The following ZSCAN25 variants were observed in gnomAD, a reference collection of about 807,000 sequenced individuals.
ZSCAN25 encodes the protein zinc finger and SCAN domain containing 25.
ZSCAN25 carries 27 observed loss-of-function variants against 38.7 expected under a neutral mutation model. The ratio of observed to expected loss-of-function variants is 0.70; its 90% confidence interval spans 0.51 to 0.96. ZSCAN25 has a LOEUF of 0.96. Ranked by LOEUF, ZSCAN25 falls within the 40% of genes least tolerant of loss-of-function variation. The pLI, the probability that ZSCAN25 is intolerant of heterozygous loss-of-function variation, is 0.00. For missense variants in ZSCAN25, 637 were observed against 705.9 expected (o/e 0.90, Z 1.11); for synonymous variants, 273 against 277.7 (o/e 0.98, Z 0.17).
the ZSCAN25 span, chr7:99,707,917 A>G: frequency 6.8e-6 from 11 of 1,614,046 alleles, no homozygotes; most frequent in Admixed American, 6.7e-5. Flanking sequence ...TTCTGGGTCC[A>G]CTTCCAAAGG....
intron 7 of ZSCAN25, among the ~76,000 whole-genome samples, chr7:99,625,012 C>T (rs11975671): frequency 0.032 from 4,841 of 152,138 alleles, 235 homozygotes; most frequent in African/African-American, 0.11. Context: ...CCATCTGTAC[C>T]GACCCCACCT....
the ZSCAN25 span, among the ~76,000 whole-genome samples, chr7:99,709,905 C>A: frequency 6.6e-6 from 1 of 152,028 alleles, no homozygotes; most frequent in Non-Finnish European, 1.5e-5. Flanking sequence ...AAAAACTAGT[C>A]CCTTTCTATC....
the ZSCAN25 span, chr7:99,717,403 T>C: frequency 6.3e-7 from 1 of 1,587,302 alleles, no homozygotes; most frequent in Non-Finnish European, 8.6e-7. Flanking sequence ...ATAAAAAGAC[T>C]ATTTTTAGGA....
the ZSCAN25 span, among the ~76,000 whole-genome samples, chr7:99,681,366 T>C: frequency 1.3e-4 from 20 of 152,224 alleles, no homozygotes; most frequent in Non-Finnish European, 2.5e-4. Flanking sequence ...TTAATGTTAA[T>C]TTTAATGTTT....
the ZSCAN25 span, among the ~76,000 whole-genome samples, chr7:99,705,786 A>G: frequency 5.2e-4 from 79 of 152,320 alleles, no homozygotes; most frequent in Non-Finnish European, 9.4e-4. Flanking sequence ...GAGAACATTC[A>G]TCATCTATCA....
chr7:99,699,977 C>T, the ZSCAN25 span: 1 of 1,610,050 alleles, frequency 6.2e-7, no homozygotes, highest in Non-Finnish European at 8.5e-7. Context: ...TAGAGGAGCA[C>T]AAGGCTGACA....
At chr7:99,689,567 C>G in the ZSCAN25 span, among the ~76,000 whole-genome samples, 1 of 152,072 alleles carries the variant, frequency 6.6e-6, no homozygotes, top group Non-Finnish European at 1.5e-5. Context: ...TCGTCTCAGC[C>G]CAAAATCTCC....
the ZSCAN25 span, among the ~76,000 whole-genome samples, chr7:99,675,440 T>C: frequency 1.3e-5 from 2 of 151,890 alleles, no homozygotes; most frequent in African/African-American, 4.8e-5. Context: ...GAGGCTTCAG[T>C]TGTGAGAGTT....
chr7:99,705,737 G>A, the ZSCAN25 span: 16 of 1,014,792 alleles, frequency 1.6e-5, no homozygotes, highest in African/African-American at 1.3e-4. Context: ...TCTTGGATTC[G>A]TTATACTTAC....
At chr7:99,730,588 T>C in the ZSCAN25 span, 1 of 162,960 alleles carries the variant, frequency 6.1e-6, no homozygotes, top group Non-Finnish European at 1.4e-5. Flanking sequence ...ATCTCCCTAA[T>C]AAACTGAGTT....
the ZSCAN25 span, among the ~76,000 whole-genome samples, chr7:99,697,247 C>A: frequency 0.013 from 2,032 of 152,238 alleles, 36 homozygotes; most frequent in African/African-American, 0.047. Context: ...GGCAGGCCTG[C>A]TTGCAACTCA....
At chr7:99,638,564 C>T in the ZSCAN25 span, 4 of 1,554,666 alleles carry the variant, frequency 2.6e-6, no homozygotes, top group Non-Finnish European at 3.5e-6. Context: ...CGGATCTTGT[C>T]CTGGCCACCC....
chr7:99,640,266 C>G, the ZSCAN25 span, among the ~76,000 whole-genome samples: 1 of 152,238 alleles, frequency 6.6e-6, no homozygotes, highest in Non-Finnish European at 1.5e-5. Context: ...TCAAGCAGTT[C>G]TCCTGTCTCA....
the ZSCAN25 span, chr7:99,674,534 C>A: frequency 8.1e-6 from 13 of 1,613,384 alleles, no homozygotes; most frequent in Non-Finnish European, 1.7e-6. Context: ...AATACTCACC[C>A]CCACATTTTT....
chr7:99,638,552 C>A, the ZSCAN25 span: 8 of 1,534,412 alleles, frequency 5.2e-6, no homozygotes, highest in Non-Finnish European at 7.2e-6. Flanking sequence ...GCCGCGAGAG[C>A]GCGGATCTTG....
At chr7:99,693,475 C>A in the ZSCAN25 span, among the ~76,000 whole-genome samples, 1 of 152,206 alleles carries the variant, frequency 6.6e-6, no homozygotes, top group Non-Finnish European at 1.5e-5. Context: ...TGTCTGTCTC[C>A]TGTGTTTTGT....
chr7:99,672,907 G>A, the ZSCAN25 span: 1 of 1,344,446 alleles, frequency 7.4e-7, no homozygotes, highest in Non-Finnish European at 9.5e-7. Flanking sequence ...TCCAAACAGG[G>A]AAGAGATATT....
intron 4 of ZSCAN25, 83 bp from the exon 5 acceptor site, chr7:99,621,290 T>G (rs1214597225): frequency 8.2e-7 from 1 of 1,222,442 alleles, no homozygotes; most frequent in Non-Finnish European, 1.1e-6. Context: ...TTTTCTTGGT[T>G]CTCTTTTTAG....
chr7:99,711,681 T>C, the ZSCAN25 span, among the ~76,000 whole-genome samples: 1 of 152,182 alleles, frequency 6.6e-6, no homozygotes, highest in African/African-American at 2.4e-5. Context: ...GGCAGAATAA[T>C]CGCTTGAATC....
Sources: gnomAD v4.1 joint callset for allele counts (sites outside exome capture counted in the v4.1 genomes callset) on GRCh38, gnomAD v4.1.1 for gene constraint, MANE v1.5 for transcripts, NCBI Gene and HGNC (gene_info 2026-07-23, HGNC 2026-07-21) for gene names.